Variants in SLC17A1 observed in about 807,000 individuals in gnomAD.
The protein encoded by SLC17A1 is solute carrier family 17 member 1.
In SLC17A1, 51 loss-of-function variants were observed where a neutral mutation model predicts 53.5. The ratio of observed to expected loss-of-function variants is 0.95; its 90% CI spans 0.76 to 1.20. The LOEUF (loss-of-function observed/expected upper bound fraction) is 1.20. Among genes scored for constraint, SLC17A1 ranks in the 50% most tolerant of loss-of-function variants. SLC17A1 has a pLI of 0.00. For synonymous variants in SLC17A1, 179 were observed against 198.8 expected (o/e 0.90, Z 0.84); for missense variants, 538 against 568.2 (o/e 0.95, Z 0.54).
chr6:25,810,916 T>G (rs1046824572), intron 10 of SLC17A1, among the ~76,000 whole-genome samples: 1 of 152,112 alleles, frequency 6.6e-6, no homozygotes, highest in Non-Finnish European at 1.5e-5. Flanking sequence ...TGGGATACTA[T>G]TGAGCCTAAA....
At chr6:25,733,024 G>T in the SLC17A1 span, among the ~76,000 whole-genome samples, 1 of 152,172 alleles carries the variant, frequency 6.6e-6, no homozygotes, top group African/African-American at 2.4e-5. Flanking sequence ...TCGTAAACAG[G>T]ACTCAGAACA....
intron 12 of SLC17A1, among the ~76,000 whole-genome samples, chr6:25,794,090 T>A (rs1243567997): frequency 6.6e-6 from 1 of 152,166 alleles, no homozygotes; most frequent in Non-Finnish European, 1.5e-5. Flanking sequence ...GCAGCCTGAG[T>A]TGACCAATCA....
chr6:25,723,756 G>T, the SLC17A1 span, among the ~76,000 whole-genome samples: 1 of 152,326 alleles, frequency 6.6e-6, no homozygotes, highest in African/African-American at 2.4e-5. Flanking sequence ...AGTGAGCTGA[G>T]ATCAGGCCAC....
At chr6:25,754,798 AC>A in the SLC17A1 span, 7 of 152,102 alleles carry the variant, frequency 4.6e-5, no homozygotes, top group African/African-American at 1.7e-4. Context: ...TAGCTTTCAA[AC>A]TTTTACCCTT....
At chr6:25,799,379 T>C (rs776743100) in intron 11 of SLC17A1, among the ~76,000 whole-genome samples, 4 of 152,138 alleles carry the variant, frequency 2.6e-5, no homozygotes, top group Admixed American at 1.3e-4. Context: ...ATATTTTCCA[T>C]TGCAATCCTT....
the SLC17A1 span, among the ~76,000 whole-genome samples, chr6:25,727,617 C>A: frequency 6.6e-6 from 1 of 151,782 alleles, no homozygotes; most frequent in African/African-American, 2.4e-5. Context: ...GTCTCAAACT[C>A]GATCTGGTGA....
At chr6:25,767,582 T>C in the SLC17A1 span, among the ~76,000 whole-genome samples, 2 of 152,170 alleles carry the variant, frequency 1.3e-5, no homozygotes, top group Non-Finnish European at 2.9e-5. Flanking sequence ...ATAAAACTTA[T>C]GTATCCCCAT....
At chr6:25,806,915 A>T (rs1392729422) in intron 10 of SLC17A1, among the ~76,000 whole-genome samples, 1 of 152,148 alleles carries the variant, frequency 6.6e-6, no homozygotes, top group Non-Finnish European at 1.5e-5. Context: ...GCCAATAAAC[A>T]TAAGAAAAAA....
chr6:25,776,443 G>C, the SLC17A1 span: 1 of 853,296 alleles, frequency 1.2e-6, no homozygotes, highest in Non-Finnish European at 1.8e-6. Context: ...CATACTAAAA[G>C]TATATTGGCT....
intron 2 of SLC17A1, among the ~76,000 whole-genome samples, chr6:25,829,506 G>A (rs1764870655): frequency 6.6e-6 from 1 of 152,132 alleles, no homozygotes; most frequent in Admixed American, 6.6e-5. Flanking sequence ...ACCTGCAGGA[G>A]TCTCTACATG....
At chr6:25,768,953 G>C in the SLC17A1 span, 1 of 1,600,382 alleles carries the variant, frequency 6.2e-7, no homozygotes, top group African/African-American at 1.3e-5. Flanking sequence ...AAAGCATTCT[G>C]ATTGTGATTT....
intron 12 of SLC17A1, among the ~76,000 whole-genome samples, chr6:25,785,018 TCTA>T (rs1351627354): frequency 6.6e-6 from 1 of 152,074 alleles, no homozygotes; most frequent in Non-Finnish European, 1.5e-5. Flanking sequence ...TCCTAGGAAA[TCTA>T]CTAAAAATAT....
the SLC17A1 span, among the ~76,000 whole-genome samples, chr6:25,749,326 G>A: frequency 9.7e-3 from 1,472 of 152,286 alleles, 14 homozygotes; most frequent in Middle Eastern, 0.031. Flanking sequence ...CATACAACAC[G>A]TTTTTGTGAG....
chr6:25,762,185 T>C, the SLC17A1 span: 3 of 688,552 alleles, frequency 4.4e-6, no homozygotes, highest in Non-Finnish European at 7.3e-6. Context: ...TACCACCAAT[T>C]GCCAATAATT....
chr6:25,770,097 C>T, the SLC17A1 span: 5 of 1,614,014 alleles, frequency 3.1e-6, no homozygotes, highest in Non-Finnish European at 4.2e-6. Flanking sequence ...TCCTGAAATC[C>T]AGGGAATCAT....
chr6:25,801,240 A>T (rs957441590), intron 10 of SLC17A1, among the ~76,000 whole-genome samples: 1 of 152,228 alleles, frequency 6.6e-6, no homozygotes, highest in Non-Finnish European at 1.5e-5. Flanking sequence ...AACCCAGTAG[A>T]ATTAGAAAAT....
At chr6:25,793,654 C>T (rs1763548098) in intron 12 of SLC17A1, among the ~76,000 whole-genome samples, 1 of 152,076 alleles carries the variant, frequency 6.6e-6, no homozygotes, top group African/African-American at 2.4e-5. Flanking sequence ...TACAAAAGTG[C>T]TTAAATATGT....
chr6:25,773,649 C>T, the SLC17A1 span: 452 of 1,613,578 alleles, frequency 2.8e-4, 1 homozygote, highest in Non-Finnish European at 3.5e-4. Flanking sequence ...TACATCAGCT[C>T]GGTACTTCAA....
the SLC17A1 span, chr6:25,732,902 A>C: frequency 2.0e-5 from 5 of 253,172 alleles, no homozygotes; most frequent in Non-Finnish European, 3.9e-5. Context: ...AAACAAAAAC[A>C]AAAACCCCAA....
Sources: gnomAD v4.1 joint callset for allele counts (sites outside exome capture counted in the v4.1 genomes callset) on GRCh38, gnomAD v4.1.1 for gene constraint, MANE v1.5 for transcripts, NCBI Gene and HGNC (gene_info 2026-07-23, HGNC 2026-07-21) for gene names.